The following MYO7A variants were observed in gnomAD, a reference collection of about 807,000 sequenced individuals.
MYO7A encodes the protein unconventional myosin-VIIa.
MYO7A carries 210 observed loss-of-function variants against 263.8 expected under a neutral mutation model. The observed-to-expected ratio is 0.80, with a 90% CI of 0.71 to 0.89. MYO7A has a LOEUF of 0.89. Ranked by LOEUF, MYO7A falls within the 40% of genes least tolerant of loss-of-function variation. The pLI, the probability that MYO7A is intolerant of heterozygous loss-of-function variation, is 0.00. For missense variants in MYO7A, 2,820 were observed against 2,968.3 expected, an observed-to-expected ratio of 0.95 and a Z score of 1.16; for synonymous variants, 1,239 against 1,197.3, an observed-to-expected ratio of 1.03 and a Z score of -0.72.
At chr11:77,154,487 C>A (rs1555059854) in intron 4 of MYO7A, among the ~76,000 whole-genome samples, 3 of 152,170 alleles carry the variant, frequency 2.0e-5, no homozygotes, top group Non-Finnish European at 2.9e-5. Flanking sequence ...GACCAGCTTC[C>A]TTTGCTTCTG....
In MYO7A at chr11:77,179,071, C is replaced by T. The variant is rs2135464599; in HGVS notation, c.2309C>T (p.Ala770Val). 1 of 1,609,058 alleles carries T rather than the reference C, an allele frequency of 6.2e-7. No individual in the cohort carries two copies. The highest frequency in any genetic ancestry group is 1.7e-5 in the Admixed American group (1 of 59,662). Residue 770 changes from alanine to valine, a missense_variant, in exon 20 of 49, where the codon GCT becomes GTT. By Grantham distance (64) the Ala-to-Val change is moderately conservative. Coordinates refer to ENST00000409709, the MANE Select transcript of MYO7A (RefSeq NM_000260.4). ...DRSNFLKLKN[A>V]ATLIQRHWRG... is the part of the protein sequence containing the mutation. ...TCTAACTTTCTGAAGCTGAAGAACG[C>T]TGCCACACTGATCCAGAGGCACTGG...
At chr11:77,198,060 G>C (rs374528750) in intron 33 of MYO7A, among the ~76,000 whole-genome samples, 1 of 152,242 alleles carries the variant, frequency 6.6e-6, no homozygotes, top group African/African-American at 2.4e-5. Flanking sequence ...CTGTGAAGTC[G>C]AGAGTAGCAG....
At chr11:77,154,342 G>T (rs1258141736) in intron 4 of MYO7A, among the ~76,000 whole-genome samples, 2 of 152,154 alleles carry the variant, frequency 1.3e-5, no homozygotes, top group Non-Finnish European at 2.9e-5. Flanking sequence ...TGAACTATAG[G>T]GGATGATGGC....
chr11:77,162,268 A>T lies in MYO7A; in HGVS notation c.1492A>T (p.Met498Leu), dbSNP rs782044710. ...CACTGACAACCAGGATGCCCTGGAC[A>T]TGATTGCCAACAAGCCCATGAACAT... ...EFTDNQDALD[M>L]IANKPMNIIS... Residue 498 changes from methionine (M) to leucine (L), a missense_variant, in exon 13 of 49, where the codon ATG becomes TTG. By Grantham distance (15) the Met-to-Leu change is conservative. Transcript: ENST00000409709. The T allele has an allele frequency of 2.6e-6, 4 of 1,554,838 alleles. No individual in the cohort carries two copies. The highest frequency in any genetic ancestry group is 3.5e-6 in the Non-Finnish European group (4 of 1,148,628).
At chr11:77,131,929 G>A (rs1390751123) in intron 2 of MYO7A, among the ~76,000 whole-genome samples, 1 of 152,206 alleles carries the variant, frequency 6.6e-6, no homozygotes, top group African/African-American at 2.4e-5. Context: ...TGAGTGGGAG[G>A]GCCTTGGGCA....
At position 77,142,542 on chromosome 11, in the gene MYO7A, G is replaced by T. The variant is rs782289592; in HGVS notation, c.19-167G>T. On this transcript the variant is annotated intron_variant, in intron 2 of 48. Coordinates refer to ENST00000409709, the MANE Select transcript of MYO7A (RefSeq NM_000260.4). ...GAGATTGCATAAATGCCCAGCCCAG[G>T]GCCTGCACTGCTCCAGAAGGTTGCT... is the stretch of plus-strand genomic sequence containing the variant. 5 of 692,506 alleles carry T rather than the reference G, an allele frequency of 7.2e-6. No individual in the cohort carries two copies. The African/African-American group carries it at 8.8e-5, about 12-fold the overall frequency. The allele number at this position is 692,506 out of a possible 1,614,324, so 42.9% of individuals were successfully genotyped here. A position where few individuals can be genotyped will look rare whatever the true frequency, so the allele number is the denominator to read the frequency against.
At chr11:77,198,251 C>A (rs1475488654) in intron 33 of MYO7A, among the ~76,000 whole-genome samples, 1 of 152,220 alleles carries the variant, frequency 6.6e-6, no homozygotes, top group Non-Finnish European at 1.5e-5. Flanking sequence ...AGGGCAGGGG[C>A]TTGTCCAAAG....
At chr11:77,154,480 C>A (rs1426702786) in intron 4 of MYO7A, among the ~76,000 whole-genome samples, 3 of 152,194 alleles carry the variant, frequency 2.0e-5, no homozygotes, top group Non-Finnish European at 2.9e-5. Flanking sequence ...CCCCACTGAC[C>A]AGCTTCCTTT....
At chr11:77,158,463 C>A in intron 9 of MYO7A, 33 bp downstream of exon 9, 3 of 1,603,056 alleles carry the variant, frequency 1.9e-6, no homozygotes, top group Non-Finnish European at 2.6e-6. Flanking sequence ...CTGCCCCACC[C>A]CTGCGCCAAG....
At chr11:77,165,233 G>A (rs1417335575) in intron 14 of MYO7A, among the ~76,000 whole-genome samples, 2 of 152,312 alleles carry the variant, frequency 1.3e-5, no homozygotes, top group East Asian at 3.9e-4. Context: ...TGTGCTGTCC[G>A]CCATTCATGG....
chr11:77,212,293 C>T (rs773780313), intron 46 of MYO7A: 8 of 416,832 alleles, frequency 1.9e-5, no homozygotes, highest in South Asian at 1.5e-4. Flanking sequence ...CTGAGCTTTC[C>T]AGGCAGACCC....
At chr11:77,210,354 T>C (rs188724262) in intron 44 of MYO7A, among the ~76,000 whole-genome samples, 31 of 152,092 alleles carry the variant, frequency 2.0e-4, no homozygotes, top group African/African-American at 2.7e-4. Context: ...GCTGAGTGAA[T>C]TGATGGGTGG....
At chr11:77,142,583 C>A in intron 2 of MYO7A, 126 bp from the exon 3 acceptor site, 2 of 813,454 alleles carry the variant, frequency 2.5e-6, no homozygotes, top group Non-Finnish European at 2.1e-6. Flanking sequence ...GTGTGAGTCC[C>A]CTTCTCTTCC....
intron 24 of MYO7A, 115 bp downstream of exon 24, chr11:77,182,269 A>G: frequency 6.9e-7 from 1 of 1,457,774 alleles, no homozygotes; most frequent in Non-Finnish European, 9.3e-7. Flanking sequence ...GGGGCCAGGG[A>G]CCAGGTCTGA....
intron 29 of MYO7A, 85 bp downstream of exon 29, chr11:77,190,224 T>A: frequency 7.7e-7 from 1 of 1,299,274 alleles, no homozygotes; most frequent in Non-Finnish European, 1.0e-6. Flanking sequence ...TGCACTCGAG[T>A]GCCCCAGAAA....
rs367783347 is a variant in MYO7A at position 77,165,740 on chromosome 11, T to C, written c.1691-316T>C. ...ACACTTACTTAACAAGGCCTTTTGA[T>C]ATCTTAGTTCAAAAGACTCATGGTA... On this transcript the variant is annotated intron_variant, in intron 14 of 48. Coordinates refer to ENST00000409709, the MANE Select transcript of MYO7A (RefSeq NM_000260.4). 1.1e-4 allele frequency among the ~76,000 whole-genome samples: 17 copies of C among 152,300 alleles called. No homozygotes were observed. In the South Asian group the frequency reaches 3.5e-3, roughly 32 times the overall value.
Position 77,211,299 on chromosome 11 carries a change from G to A in MYO7A, c.6199G>A (p.Asp2067Asn). 6.3e-7 allele frequency: 1 copy of A among 1,583,104 alleles called. No homozygotes were observed. Among genetic ancestry groups the A allele is most frequent in the Non-Finnish European group, 8.6e-7 (1 of 1,164,950 alleles). ...GCTGCTGCGGGAGCTGGTGCCCCAGGACCTTATCCGGCAGGTCTCACCTGA... is the reference window on the plus strand; with the variant it reads ...GCTGCTGCGGGAGCTGGTGCCCCAGAACCTTATCCGGCAGGTCTCACCTGA... ...PKLLRELVPQDLIRQVSPDDW... is the reference protein window; with the variant it reads ...PKLLRELVPQNLIRQVSPDDW... The change falls in exon 45 of 49, where the codon GAC (aspartate) becomes AAC (asparagine). Residue 2067 changes from aspartate (D) to asparagine (N), a missense_variant. Coordinates refer to ENST00000409709, the MANE Select transcript of MYO7A (RefSeq NM_000260.4).
intron 32 of MYO7A, among the ~76,000 whole-genome samples, chr11:77,196,926 GAGCACAGC>G (rs917668839): frequency 3.3e-5 from 5 of 152,118 alleles, no homozygotes; most frequent in African/African-American, 1.2e-4. Context: ...ATCTTACCAA[GAGCACAGC>G]AGCACCCCTC....
chr11:77,164,656 G>A (rs1430939311), intron 14 of MYO7A, among the ~76,000 whole-genome samples: 8 of 152,198 alleles, frequency 5.3e-5, no homozygotes, highest in African/African-American at 1.9e-4. Flanking sequence ...CTTTCATTTG[G>A]AGTAATAGAG....
Sources: gnomAD v4.1 joint callset for allele counts (sites outside exome capture counted in the v4.1 genomes callset) on GRCh38, gnomAD v4.1.1 for gene constraint, MANE v1.5 for transcripts, NCBI Gene and HGNC (gene_info 2026-07-23, HGNC 2026-07-21) for gene names.